Variants in PDCD1LG2 observed in about 807,000 individuals in gnomAD.
PDCD1LG2 encodes programmed cell death 1 ligand 2, also known as B7 dendritic cell molecule.
Under a neutral mutation model 28.2 loss-of-function variants are expected in PDCD1LG2, and 32 were observed. The ratio of observed to expected loss-of-function variants is 1.13; its 90% CI spans 0.86 to 1.52. The LOEUF is 1.52. Ranked by LOEUF, PDCD1LG2 falls within the 40% of genes most tolerant of loss-of-function variation. The probability of loss-of-function intolerance (pLI) is 0.00; values close to 1 mark genes in which losing one functional copy is unlikely to be tolerated. For missense variants in PDCD1LG2, 385 were observed against 323.8 expected, an observed-to-expected ratio of 1.19 and a Z score of -1.45; for synonymous variants, 116 against 120.2, an observed-to-expected ratio of 0.97 and a Z score of 0.23.
At position 5,532,208 on chromosome 9, in the gene PDCD1LG2, C is replaced by A. The variant is rs1820496394; in HGVS notation, c.56-2537C>A. 1.3e-5 allele frequency among the ~76,000 whole-genome samples: 2 copies of A among 152,248 alleles called. 1 individual carries two copies. The highest frequency in any genetic ancestry group is 1.3e-4 in the Admixed American group (2 of 15,290). On this transcript the variant is annotated intron_variant, in intron 2 of 6. Coordinates refer to ENST00000397747, the MANE Select transcript of PDCD1LG2 (RefSeq NM_025239.4). ...ATTAGCATTGTTTTACACATGTACA[C>A]TCACCTTATAGCCCTGCCCCTGTGC...
At chr9:5,533,473 C>A (rs973916029) in intron 2 of PDCD1LG2, among the ~76,000 whole-genome samples, 19 of 152,082 alleles carry the variant, frequency 1.2e-4, no homozygotes, top group African/African-American at 4.3e-4. Flanking sequence ...GAAAATAAAG[C>A]AGTGTTATCA....
intron 3 of PDCD1LG2, among the ~76,000 whole-genome samples, chr9:5,538,216 T>C (rs1364967886): frequency 6.6e-6 from 1 of 152,166 alleles, no homozygotes; most frequent in Non-Finnish European, 1.5e-5. Context: ...ATTTATTCTC[T>C]TTTTTCCACA....
chr9:5,561,750 A>C (rs1816566734), intron 5 of PDCD1LG2, among the ~76,000 whole-genome samples: 1 of 152,226 alleles, frequency 6.6e-6, no homozygotes, highest in Admixed American at 6.5e-5. Context: ...GGCTGGTAAC[A>C]GTTCACCTAC....
intron 3 of PDCD1LG2, among the ~76,000 whole-genome samples, chr9:5,542,146 T>A (rs1820699067): frequency 6.6e-6 from 1 of 152,132 alleles, no homozygotes; most frequent in African/African-American, 2.4e-5. Flanking sequence ...AAGAATAAAC[T>A]GGATCCTCAT....
rs116272114 is a variant in PDCD1LG2, at chr9:5,511,143, T to C, written c.-15+340T>C. Among the ~76,000 whole-genome samples the C allele has an allele frequency of 2.6e-3, 394 of 152,300 alleles. 3 individuals are homozygous for C. The highest frequency in any genetic ancestry group is 9.2e-3 in the African/African-American group (383 of 41,556). ...TAATGGTGAAGAACTTAAAAATCTGTTTTCCTATGACTGACATCTGTTTGT... is the reference window on the plus strand; with the variant it reads ...TAATGGTGAAGAACTTAAAAATCTGCTTTCCTATGACTGACATCTGTTTGT... On this transcript the variant is annotated intron_variant, in intron 1 of 6. Transcript: ENST00000397747.
Position 5,569,997 on chromosome 9 carries a change from A to G in PDCD1LG2, c.*38A>G. 1 of 1,613,712 alleles carries G rather than the reference A, an allele frequency of 6.2e-7. No homozygotes were observed. ...GGGAGCCAGGGTGACCTGATATGACATCTAAAGAAGCTTCTGGACTCTGAA... is the reference window on the plus strand; with the variant it reads ...GGGAGCCAGGGTGACCTGATATGACGTCTAAAGAAGCTTCTGGACTCTGAA... On this transcript the variant is annotated 3_prime_UTR_variant, in exon 7 of 7. Coordinates refer to ENST00000397747, the MANE Select transcript of PDCD1LG2 (RefSeq NM_025239.4). This position sits in a 1 kb window ranked among gnomAD's most constrained non-coding sequence, Gnocchi z 4.1.
chr9:5,541,791 A>C (rs1469056160), intron 3 of PDCD1LG2, among the ~76,000 whole-genome samples: 1 of 152,088 alleles, frequency 6.6e-6, no homozygotes, highest in Non-Finnish European at 1.5e-5. Flanking sequence ...CCCCATCAAA[A>C]TACTACCATC....
intron 5 of PDCD1LG2, among the ~76,000 whole-genome samples, chr9:5,559,642 T>C (rs1342527428): frequency 6.6e-6 from 1 of 152,240 alleles, no homozygotes; most frequent in Admixed American, 6.5e-5. Flanking sequence ...GTGGTTCAAC[T>C]TGGACTACAG....
rs773744325 is a variant in PDCD1LG2, at chr9:5,534,987, T to C, written c.298T>C (p.Tyr100His). The change falls in exon 3 of 7, where the codon TAC becomes CAC. Residue 100 changes from tyrosine to histidine, a missense_variant. Coordinates refer to ENST00000397747, the MANE Select transcript of PDCD1LG2 (RefSeq NM_025239.4). ...PQVQVRDEGQ[Y>H]QCIIIYGVAW... ...AGTCCAAGTGAGGGACGAAGGACAGTACCAATGCATAATCATCTATGGGGT... is the reference window on the plus strand; with the variant it reads ...AGTCCAAGTGAGGGACGAAGGACAGCACCAATGCATAATCATCTATGGGGT... 1.1e-5 allele frequency: 18 copies of C among 1,613,984 alleles called. No individual in the cohort carries two copies. Among genetic ancestry groups the C allele is most frequent in the Middle Eastern group, 1.6e-4 (1 of 6,084 alleles).
Position 5,570,008 on chromosome 9 carries a change from C to G in PDCD1LG2, c.*49C>G, listed in dbSNP as rs1249687076. On this transcript the variant is annotated 3_prime_UTR_variant, in exon 7 of 7. Coordinates refer to ENST00000397747, the MANE Select transcript of PDCD1LG2 (RefSeq NM_025239.4). ...TGACCTGATATGACATCTAAAGAAGCTTCTGGACTCTGAACAAGAATTCGG... is the reference window on the plus strand; with the variant it reads ...TGACCTGATATGACATCTAAAGAAGGTTCTGGACTCTGAACAAGAATTCGG... 1 of 1,612,960 alleles carries G rather than the reference C, an allele frequency of 6.2e-7. No individual in the cohort carries two copies. The highest frequency in any genetic ancestry group is 8.5e-7 in the Non-Finnish European group (1 of 1,178,974).
intron 1 of PDCD1LG2, among the ~76,000 whole-genome samples, chr9:5,515,320 T>C (rs531075114): frequency 5.9e-5 from 9 of 152,228 alleles, no homozygotes; most frequent in Non-Finnish European, 1.3e-4. Context: ...TGTTTGAACA[T>C]GTTCGTTTTT....
intron 1 of PDCD1LG2, among the ~76,000 whole-genome samples, chr9:5,520,052 G>C (rs185193792): frequency 1.3e-5 from 2 of 152,220 alleles, no homozygotes; most frequent in Admixed American, 1.3e-4. Context: ...CAAAATTCCA[G>C]CTTCCTTTGT....
At chr9:5,527,768 A>G (rs1586798194) in intron 2 of PDCD1LG2, among the ~76,000 whole-genome samples, 4 of 152,138 alleles carry the variant, frequency 2.6e-5, no homozygotes, top group Admixed American at 2.6e-4. Flanking sequence ...TTTCATTCCC[A>G]CCAGCAAGTA....
chr9:5,524,372 G>C (rs1586795368), intron 2 of PDCD1LG2, among the ~76,000 whole-genome samples: 1 of 152,250 alleles, frequency 6.6e-6, no homozygotes, highest in East Asian at 1.9e-4. Context: ...TGTTTATTCT[G>C]GATATTCACA....
chr9:5,516,250 G>A (rs529302508), intron 1 of PDCD1LG2, among the ~76,000 whole-genome samples: 7 of 152,128 alleles, frequency 4.6e-5, no homozygotes, highest in East Asian at 1.9e-4. Flanking sequence ...ACGGGGTTTC[G>A]CCATGTTGGC....
intron 1 of PDCD1LG2, among the ~76,000 whole-genome samples, chr9:5,513,885 A>G (rs1171447201): frequency 6.6e-6 from 1 of 152,240 alleles, no homozygotes; most frequent in Non-Finnish European, 1.5e-5. Flanking sequence ...AAAGGCATTC[A>G]AATTCAGATT....
At chr9:5,528,797 G>A (rs533281116) in intron 2 of PDCD1LG2, among the ~76,000 whole-genome samples, 2 of 152,114 alleles carry the variant, frequency 1.3e-5, no homozygotes, top group African/African-American at 4.8e-5. Context: ...GTTCACTGTC[G>A]TGGCTCACTA....
rs1816600045 is a variant in PDCD1LG2 at position 5,563,179 on chromosome 9, GT to G, written c.785del (p.Val262AlafsTer8). Reference protein sequence around the residue: ...YSSKDTTKRPVTTTKREVNSA... With the variant: ...YSSKDTTKRPXTTTKREVNSA... ...CTTTTCAGACACAACAAAAAGACCT[GT>G]CACCACAACAAAGAGGGAAGTGAAC... On this transcript the variant is annotated frameshift_variant, in exon 6 of 7. Coordinates refer to ENST00000397747, the MANE Select transcript of PDCD1LG2 (RefSeq NM_025239.4). LOFTEE classifies it high-confidence loss of function. 6.2e-7 allele frequency: 1 copy of G among 1,612,498 alleles called. No homozygotes were observed. Among genetic ancestry groups the G allele is most frequent in the Non-Finnish European group, 8.5e-7 (1 of 1,178,742 alleles).
At chr9:5,515,853 G>A (rs1366631826) in intron 1 of PDCD1LG2, among the ~76,000 whole-genome samples, 2 of 146,016 alleles carry the variant, frequency 1.4e-5, no homozygotes, top group Non-Finnish European at 3.0e-5. Flanking sequence ...AACCCGGGAG[G>A]CGGAGGATGC....
Sources: allele counts gnomAD v4.1 joint callset (sites outside exome capture counted in the v4.1 genomes callset), GRCh38; gene constraint gnomAD v4.1.1; non-coding constraint Gnocchi (gnomAD v3.1); transcripts MANE v1.5; gene names NCBI Gene and HGNC (gene_info 2026-07-23, HGNC 2026-07-21).